Variants in CD55 observed in about 807,000 individuals in gnomAD.
CD55 encodes the protein CD55 molecule (Cromer blood group).
CD55 carries 41 observed loss-of-function variants against 45.8 expected under a neutral mutation model. The observed-to-expected ratio is 0.90, with a 90% confidence interval of 0.70 to 1.16. CD55 has a LOEUF of 1.16. CD55 is among the 50% of genes most tolerant of loss of function. CD55 has a pLI of 0.00. For missense variants in CD55, 416 were observed against 469.8 expected (o/e 0.89, Z 1.06); for synonymous variants, 181 against 181.1 (o/e 1.00, Z 0.01).
intron 9 of CD55, among the ~76,000 whole-genome samples, chr1:207,342,139 G>A (rs1278783130): frequency 6.6e-6 from 1 of 151,956 alleles, no homozygotes; most frequent in African/African-American, 2.4e-5. Flanking sequence ...TTTTGGTGAA[G>A]TCTTTAAGGA....
intron 9 of CD55, among the ~76,000 whole-genome samples, chr1:207,345,740 C>T (rs1234099888): frequency 2.0e-5 from 3 of 152,134 alleles, no homozygotes; most frequent in Non-Finnish European, 4.4e-5. Flanking sequence ...TAGGGGAGGA[C>T]TTTTCCTGAA....
At chr1:207,325,841 C>T (rs1010991715) in intron 4 of CD55, 120 bp downstream of exon 4, 10 of 557,090 alleles carry the variant, frequency 1.8e-5, no homozygotes, top group Non-Finnish European at 3.2e-5. Flanking sequence ...AACAATCCCT[C>T]TCCTCAAAGA....
intron 5 of CD55, among the ~76,000 whole-genome samples, chr1:207,330,007 C>A (rs7551066): frequency 0.011 from 1,574 of 146,196 alleles, 34 homozygotes; most frequent in African/African-American, 0.039. Context: ...ATGACCCTTG[C>A]ATTTTTTATT....
At chr1:207,335,088 A>T (rs986725600) in intron 6 of CD55, among the ~76,000 whole-genome samples, 1 of 152,196 alleles carries the variant, frequency 6.6e-6, no homozygotes, top group Non-Finnish European at 1.5e-5. Context: ...CTCAACAGTA[A>T]TATATCATAA....
rs1352192043 is a variant in CD55, at chr1:207,322,418, A to G, written c.137A>G (p.Gln46Arg). Residue 46 changes from glutamine (Q) to arginine (R), a missense_variant, in exon 2 of 10, where the codon CAG (glutamine) becomes CGG (arginine). This residue lies in a region of CD55 where 123 missense variants were observed against 105.1 expected (regional missense o/e 1.17). Coordinates refer to ENST00000367064, the MANE Select transcript of CD55 (RefSeq NM_000574.5). ...CTTCCCCCAGATGTACCTAATGCCCAGCCAGCTTTGGAAGGCCGTACAAGT... is the reference window on the plus strand; with the variant it reads ...CTTCCCCCAGATGTACCTAATGCCCGGCCAGCTTTGGAAGGCCGTACAAGT... ...CGLPPDVPNAQPALEGRTSFP... is the reference protein window; with the variant it reads ...CGLPPDVPNARPALEGRTSFP... 2 of 1,614,096 alleles carry G rather than the reference A, an allele frequency of 1.2e-6. No individual in the cohort carries two copies. Among genetic ancestry groups the G allele is most frequent in the Non-Finnish European group, 1.7e-6 (2 of 1,180,014 alleles).
rs1656234501 is a variant in CD55, at chr1:207,359,990, C to T, written c.*380C>T. 1.2e-5 allele frequency: 2 copies of T among 161,828 alleles called. No individual in the cohort carries two copies. The highest frequency in any genetic ancestry group is 4.8e-5 in the African/African-American group (2 of 41,806). The allele number at this position is 161,828 out of a possible 1,614,324, so 10.0% of individuals were successfully genotyped here. A position where few individuals can be genotyped will look rare whatever the true frequency, so the allele number is the denominator to read the frequency against. On this transcript the variant is annotated 3_prime_UTR_variant, in exon 10 of 10. Transcript: ENST00000367064. The stretch of plus-strand genomic sequence containing the variant: ...TATAAAGGAAATAAAAAATGAAAAA[C>T]ATTATTTGGATATCAAAAGCAAATA...
intron 9 of CD55, among the ~76,000 whole-genome samples, chr1:207,345,044 T>G (rs1230337661): frequency 6.6e-6 from 1 of 152,174 alleles, no homozygotes; most frequent in Non-Finnish European, 1.5e-5. Context: ...TTGTATCTAC[T>G]TGGTGATCTC....
Position 207,325,621 on chromosome 1 carries a change from G to C in CD55, c.479-1G>C. ...AAAAATCAATTTGTATTCTATTCTA[G>C]AGAAATCATGCCCTAATCCGGGAGA... On this transcript the variant is annotated splice_acceptor_variant, in intron 3 of 9. Coordinates refer to ENST00000367064, the MANE Select transcript of CD55 (RefSeq NM_000574.5). LOFTEE classifies it high-confidence loss of function. The C allele has an allele frequency of 6.3e-7, 1 of 1,589,250 alleles. No homozygotes were observed. The highest frequency in any genetic ancestry group is 8.6e-7 in the Non-Finnish European group (1 of 1,158,866).
rs1237216495 is a variant in CD55 at position 207,339,399 on chromosome 1, A to G, written c.1063A>G (p.Thr355Ala). 3 of 1,606,694 alleles carry G rather than the reference A, an allele frequency of 1.9e-6. No homozygotes were observed. Among genetic ancestry groups the G allele is most frequent in the East Asian group, 2.2e-5 (1 of 44,552 alleles). Residue 355 changes from threonine to alanine, a missense_variant and splice_region_variant, in exon 9 of 10, where the codon ACT becomes GCT. Physicochemically the swap from Thr to Ala is moderately conservative, Grantham distance 58. Coordinates refer to ENST00000367064, the MANE Select transcript of CD55 (RefSeq NM_000574.5). ...PNKGSGTTSG[T>A]TRLLSGHTCF... ...CTTTTTTTCCCCTTCGTCTGTAGGT[A>G]CTACCCGTCTTCTATCTGGTAAGTT...
chr1:207,324,261 C>T (rs890442384), intron 2 of CD55, among the ~76,000 whole-genome samples: 6 of 151,684 alleles, frequency 4.0e-5, no homozygotes, highest in Non-Finnish European at 5.9e-5. Flanking sequence ...AGGAAACCAA[C>T]ATTTATTGAA....
intron 2 of CD55, among the ~76,000 whole-genome samples, chr1:207,323,283 A>T (rs1196308819): frequency 2.0e-5 from 3 of 151,510 alleles, no homozygotes; most frequent in Non-Finnish European, 2.9e-5. Context: ...ATATATATAT[A>T]TAGGGAGAGA....
At chr1:207,325,105 C>T (rs976850175) in intron 3 of CD55, among the ~76,000 whole-genome samples, 2 of 152,038 alleles carry the variant, frequency 1.3e-5, no homozygotes, top group Non-Finnish European at 2.9e-5. Context: ...GAGACAGAGG[C>T]AGGTGGACCA....
At chr1:207,343,678 G>A (rs1655519448) in intron 9 of CD55, among the ~76,000 whole-genome samples, 1 of 152,154 alleles carries the variant, frequency 6.6e-6, no homozygotes, top group East Asian at 1.9e-4. Flanking sequence ...GTGTCTGTTA[G>A]GTCCATTTGG....
chr1:207,344,256 G>A (rs1655541820), intron 9 of CD55, among the ~76,000 whole-genome samples: 1 of 152,164 alleles, frequency 6.6e-6, no homozygotes, highest in South Asian at 2.1e-4. Context: ...TTGTGATGTA[G>A]AGTTTTTCTT....
chr1:207,344,518 G>A (rs1019774941), intron 9 of CD55, among the ~76,000 whole-genome samples: 9 of 151,966 alleles, frequency 5.9e-5, no homozygotes, highest in African/African-American at 2.2e-4. Flanking sequence ...TCCTTGGTTG[G>A]TAGTCTTTTT....
intron 9 of CD55, among the ~76,000 whole-genome samples, chr1:207,346,313 C>T (rs1195380535): frequency 1.6e-4 from 25 of 152,206 alleles, no homozygotes; most frequent in Admixed American, 1.6e-3. Context: ...TGGTGGTGGA[C>T]TGGCTGAGCA....
At position 207,321,866 on chromosome 1, in the gene CD55, G is replaced by A; in HGVS notation, c.100+1G>A. On this transcript the variant is annotated splice_donor_variant, in intron 1 of 9. Coordinates refer to ENST00000367064, the MANE Select transcript of CD55 (RefSeq NM_000574.5). LOFTEE classifies it high-confidence loss of function. ...CTGTTGTGCCTGCCGGCCGTGTGGG[G>A]TGAGTAGGGGCCCGGCGGCCGGGGA... The A allele has an allele frequency of 1.3e-6, 2 of 1,522,860 alleles. No homozygotes were observed. Among genetic ancestry groups the A allele is most frequent in the Non-Finnish European group, 1.8e-6 (2 of 1,139,876 alleles). The allele number at this position is 1,522,860 out of a possible 1,614,324, so 94.3% of individuals were successfully genotyped here.
chr1:207,334,422 G>C (rs1655081337), intron 6 of CD55, among the ~76,000 whole-genome samples: 2 of 152,192 alleles, frequency 1.3e-5, no homozygotes, highest in East Asian at 1.9e-4. Flanking sequence ...ATAATGCCAG[G>C]TAAAACATGA....
chr1:207,324,176 G>C (rs1654560423), intron 2 of CD55, among the ~76,000 whole-genome samples: 1 of 152,188 alleles, frequency 6.6e-6, no homozygotes. Context: ...TTGTTGTGCA[G>C]GACATTAGTC....
Sources: gnomAD v4.1 joint callset for allele counts (sites outside exome capture counted in the v4.1 genomes callset) on GRCh38, gnomAD v4.1.1 for gene constraint, gnomAD v4.1.1 regional missense constraint, MANE v1.5 for transcripts, NCBI Gene and HGNC (gene_info 2026-07-23, HGNC 2026-07-21) for gene names.